The following PDIA3 variants were observed in gnomAD, a reference collection of about 807,000 sequenced individuals.
PDIA3 encodes protein disulfide isomerase family A member 3.
A neutral mutation model predicts 56.9 loss-of-function variants in PDIA3; 16 were observed. The observed-to-expected ratio is 0.28, with a 90% confidence interval of 0.19 to 0.43. The LOEUF (loss-of-function observed/expected upper bound fraction) is 0.43. Ranked by LOEUF, PDIA3 falls within the 20% of genes least tolerant of loss-of-function variation. The pLI is 1.00. For synonymous variants in PDIA3, 192 were observed against 216.5 expected (o/e 0.89, Z 0.99); for missense variants, 485 against 621.3 (o/e 0.78, Z 2.33).
intron 3 of PDIA3, among the ~76,000 whole-genome samples, chr15:43,760,149 G>A (rs1337389814): frequency 6.6e-6 from 1 of 151,924 alleles, no homozygotes; most frequent in East Asian, 1.9e-4. Context: ...CCAGCACTTT[G>A]GGAAGCTGAG....
chr15:43,760,401 TAAAGAAAAG>T (rs1398799719), intron 3 of PDIA3, among the ~76,000 whole-genome samples: 2 of 148,984 alleles, frequency 1.3e-5, no homozygotes, highest in Non-Finnish European at 1.5e-5. Flanking sequence ...AAAAAAAAAA[TAAAGAAAAG>T]AAAAAAAAGA....
intron 1 of PDIA3, among the ~76,000 whole-genome samples, chr15:43,750,393 G>A (rs1206657725): frequency 6.6e-6 from 1 of 151,804 alleles, no homozygotes; most frequent in Non-Finnish European, 1.5e-5. Context: ...TATTTTTAAG[G>A]ATAAGAGTAT....
chr15:43,758,934 A>G (rs887126357), intron 3 of PDIA3, among the ~76,000 whole-genome samples: 5 of 148,766 alleles, frequency 3.4e-5, no homozygotes, highest in African/African-American at 1.2e-4. Flanking sequence ...CTGAGATCAC[A>G]CCACTGCACT....
intron 10 of PDIA3, 57 bp downstream of exon 10, chr15:43,769,703 A>G (rs1201001791): frequency 1.9e-6 from 3 of 1,581,704 alleles, no homozygotes; most frequent in Non-Finnish European, 2.6e-6. Flanking sequence ...AAGTTTATGT[A>G]TGTATTCAGC....
chr15:43,765,980 G>T lies in PDIA3; in HGVS notation c.813G>T (p.Lys271Asn). Residue 271 changes from lysine (K) to asparagine (N), a missense_variant, in exon 7 of 13, where the codon AAG (lysine) becomes AAT (asparagine). By Grantham distance (94) the Lys-to-Asn change is moderately conservative. Transcript: ENST00000300289. ...LIAYYDVDYE[K>N]NAKGSNYWRN... Reference sequence around the variant, plus strand: ...CTTACTATGATGTGGACTATGAAAAGAACGCTAAAGGTTCCAACTACTGGA... The same window carrying T: ...CTTACTATGATGTGGACTATGAAAATAACGCTAAAGGTTCCAACTACTGGA... 6.2e-7 allele frequency: 1 copy of T among 1,613,466 alleles called. No homozygotes were observed.
chr15:43,770,068 A>G (rs2141658094), intron 10 of PDIA3, among the ~76,000 whole-genome samples, 182 bp from the exon 11 acceptor site: 1 of 152,276 alleles, frequency 6.6e-6, no homozygotes, highest in Non-Finnish European at 1.5e-5. Flanking sequence ...CCATCTGCAA[A>G]CCACTCTTCC....
At chr15:43,751,791 T>C in intron 1 of PDIA3, 1 of 1,283,224 alleles carries the variant, frequency 7.8e-7, no homozygotes, top group Non-Finnish European at 1.0e-6. Context: ...GTTTTAATGC[T>C]CTGTGGGTAT....
intron 2 of PDIA3, among the ~76,000 whole-genome samples, chr15:43,755,040 T>C (rs2086769410): frequency 1.3e-5 from 2 of 152,000 alleles, no homozygotes; most frequent in African/African-American, 2.4e-5. Context: ...AAAATAATCA[T>C]TGAGGCTGGG....
Position 43,763,077 on chromosome 15 carries a change from G to A in PDIA3, c.473G>A (p.Gly158Asp). The A allele has an allele frequency of 6.2e-7, 1 of 1,613,694 alleles. No individual in the cohort carries two copies. Among genetic ancestry groups the A allele is most frequent in the Non-Finnish European group, 8.5e-7 (1 of 1,179,772 alleles). The change falls in exon 5 of 13, where the codon GGT becomes GAT. Residue 158 changes from glycine (G) to aspartate (D), a missense_variant and splice_region_variant. Gly to Asp is a moderately conservative substitution (Grantham distance 94). Coordinates refer to ENST00000300289, the MANE Select transcript of PDIA3 (RefSeq NM_005313.5). ...FISDKDASIVGFFDDSFSEAH... is the reference protein window; with the variant it reads ...FISDKDASIVDFFDDSFSEAH... Reference sequence around the variant, plus strand: ...CTTGTGTTTAATATTTTCTGTATAGGTTTTTTCGATGATTCATTCAGTGAG... The same window carrying A: ...CTTGTGTTTAATATTTTCTGTATAGATTTTTTCGATGATTCATTCAGTGAG...
chr15:43,755,817 G>C (rs1281674011), intron 2 of PDIA3, among the ~76,000 whole-genome samples: 1 of 152,008 alleles, frequency 6.6e-6, no homozygotes, highest in African/African-American at 2.4e-5. Flanking sequence ...GGGAGGCTGA[G>C]GCAGGAGAAT....
At chr15:43,755,380 A>C (rs888451821) in intron 2 of PDIA3, among the ~76,000 whole-genome samples, 2 of 152,170 alleles carry the variant, frequency 1.3e-5, no homozygotes, top group African/African-American at 4.8e-5. Flanking sequence ...GCTATGTGAT[A>C]ATCACAATGA....
chr15:43,771,050 G>A lies in PDIA3; in HGVS notation c.1405-55G>A. 2.6e-6 allele frequency: 3 copies of A among 1,134,650 alleles called. No individual in the cohort carries two copies. The South Asian group carries it at 3.9e-5, about 15-fold the overall frequency. 70.3% of individuals were successfully genotyped at this position (1,134,650 alleles called of 1,614,324 possible). A position where few individuals can be genotyped will look rare whatever the true frequency, so the allele number is the denominator to read the frequency against. ...TCAGAAGTCTTCCTGTTTGGGTGGGGCAGATCAGGGTTCTTTAAAAAGTTA... is the reference window on the plus strand; with the variant it reads ...TCAGAAGTCTTCCTGTTTGGGTGGGACAGATCAGGGTTCTTTAAAAAGTTA... On this transcript the variant is annotated intron_variant, in intron 12 of 12. Coordinates refer to ENST00000300289, the MANE Select transcript of PDIA3 (RefSeq NM_005313.5).
intron 12 of PDIA3, 55 bp downstream of exon 12, chr15:43,770,635 C>A (rs1427022960): frequency 1.8e-6 from 2 of 1,092,632 alleles, no homozygotes; most frequent in African/African-American, 1.6e-5. Context: ...AAACACACAA[C>A]CTTAAACATA....
intron 1 of PDIA3, among the ~76,000 whole-genome samples, chr15:43,752,628 G>C (rs1353296814): frequency 2.0e-5 from 3 of 152,012 alleles, no homozygotes; most frequent in Non-Finnish European, 2.9e-5. Context: ...ACTTTAATAG[G>C]CCGCCTGAAG....
intron 9 of PDIA3, 35 bp downstream of exon 9, chr15:43,768,632 A>T: frequency 7.6e-7 from 1 of 1,319,654 alleles, no homozygotes; most frequent in Non-Finnish European, 1.1e-6. Flanking sequence ...GCTATGAGCA[A>T]TTGCCTGTCC....
At chr15:43,764,490 A>G (rs906323962) in intron 5 of PDIA3, among the ~76,000 whole-genome samples, 1 of 152,058 alleles carries the variant, frequency 6.6e-6, no homozygotes, top group Non-Finnish European at 1.5e-5. Context: ...TTTTTCAGAC[A>G]GAGTCTCGCC....
At chr15:43,754,980 A>G (rs1205083371) in intron 2 of PDIA3, among the ~76,000 whole-genome samples, 2 of 152,022 alleles carry the variant, frequency 1.3e-5, no homozygotes, top group East Asian at 1.9e-4. Flanking sequence ...AGTAAAGTAT[A>G]TGGTAAATAA....
intron 7 of PDIA3, 138 bp downstream of exon 7, chr15:43,766,150 AAAAT>A: frequency 1.5e-6 from 1 of 670,276 alleles, no homozygotes; most frequent in Non-Finnish European, 2.3e-6. Flanking sequence ...AAAAAAAAAA[AAAAT>A]TAAAGTAACT....
intron 2 of PDIA3, among the ~76,000 whole-genome samples, chr15:43,755,218 T>C (rs2086770856): frequency 6.6e-6 from 1 of 151,956 alleles, no homozygotes; most frequent in Non-Finnish European, 1.5e-5. Flanking sequence ...TCCCAGCTAC[T>C]TGGAAGGCTG....
Sources: gnomAD v4.1 joint callset for allele counts (sites outside exome capture counted in the v4.1 genomes callset) on GRCh38, gnomAD v4.1.1 for gene constraint, MANE v1.5 for transcripts, NCBI Gene and HGNC (gene_info 2026-07-23, HGNC 2026-07-21) for gene names.